PCDHA11: variants seen among roughly 807,000 people sequenced by gnomAD.
PCDHA11 encodes protocadherin alpha-11.
Under a neutral mutation model 70.3 loss-of-function variants are expected in PCDHA11, and 61 were observed. The ratio of observed to expected loss-of-function variants is 0.87; its 90% CI spans 0.71 to 1.07. The LOEUF is 1.07. Ranked by LOEUF, PCDHA11 falls within the 50% of genes least tolerant of loss-of-function variation. PCDHA11 has a pLI of 0.00. For missense variants in PCDHA11, 1,324 were observed against 1,237.5 expected (o/e 1.07, Z -1.05); for synonymous variants, 633 against 555.1 (o/e 1.14, Z -1.97).
intron 1 of PCDHA11, among the ~76,000 whole-genome samples, chr5:140,903,475 A>C (rs1186809574): frequency 6.6e-6 from 1 of 152,220 alleles, no homozygotes; most frequent in African/African-American, 2.4e-5. Flanking sequence ...TATTCCTTGC[A>C]TTATAGTTCT....
intron 3 of PCDHA11, among the ~76,000 whole-genome samples, chr5:140,994,758 G>A (rs150618369): frequency 1.3e-5 from 2 of 152,248 alleles, no homozygotes; most frequent in East Asian, 3.9e-4. Flanking sequence ...GATGTGGAGA[G>A]GAAGAGAATT....
chr5:140,968,802 C>T, intron 1 of PCDHA11: 1 of 1,614,218 alleles, frequency 6.2e-7, no homozygotes. Flanking sequence ...ATTACAGTAG[C>T]TGTGGTGGAT....
At position 141,010,202 on chromosome 5, in the gene PCDHA11, G is replaced by C; in HGVS notation, c.*265G>C. 6.4e-7 allele frequency: 1 copy of C among 1,551,944 alleles called. No homozygotes were observed. The highest frequency in any genetic ancestry group is 8.7e-7 in the Non-Finnish European group (1 of 1,147,050). The stretch of plus-strand genomic sequence containing the variant: ...CAGACCCAAGTTTCCTTTCTCCTCC[G>C]CCGCAAAGGAGAGGCTTCCCAGCCC... On this transcript the variant is annotated 3_prime_UTR_variant, in exon 4 of 4. Coordinates refer to ENST00000398640, the MANE Select transcript of PCDHA11 (RefSeq NM_018902.5).
intron 1 of PCDHA11, among the ~76,000 whole-genome samples, chr5:140,908,097 G>A (rs184366035): frequency 2.6e-5 from 4 of 152,212 alleles, no homozygotes; most frequent in African/African-American, 9.6e-5. Flanking sequence ...ACTGATTGAA[G>A]TTCTGTCCAC....
intron 1 of PCDHA11, among the ~76,000 whole-genome samples, chr5:140,950,428 T>G (rs408652): frequency 0.56 from 85,077 of 151,214 alleles, 24,477 homozygotes; most frequent in African/African-American, 0.69. Context: ...TTTCTTCCAC[T>G]TAAAAAAAAT....
At chr5:140,885,274 AT>A (rs2153409165) in intron 1 of PCDHA11, among the ~76,000 whole-genome samples, 1 of 152,248 alleles carries the variant, frequency 6.6e-6, no homozygotes, top group South Asian at 2.1e-4. Context: ...ATACATATAT[AT>A]ATACATATAT....
chr5:141,009,791 CCTA>C lies in PCDHA11; in HGVS notation c.2708_2710del (p.Thr903del), dbSNP rs2098414479. 1.2e-6 allele frequency: 2 copies of C among 1,613,966 alleles called. No homozygotes were observed. Among genetic ancestry groups the C allele is most frequent in the African/African-American group, 2.7e-5 (2 of 74,882 alleles). On this transcript the variant is annotated inframe_deletion, in exon 4 of 4. Coordinates refer to ENST00000398640, the MANE Select transcript of PCDHA11 (RefSeq NM_018902.5). ...TGCAATCATCTCCATCCGGCAGGAGCCTACTAACAGCCAAATTGACAAAAGTGA... is the reference window on the plus strand; with the variant it reads ...TGCAATCATCTCCATCCGGCAGGAGCCTAACAGCCAAATTGACAAAAGTGA...
intron 3 of PCDHA11, among the ~76,000 whole-genome samples, chr5:140,991,620 T>C (rs2097462467): frequency 6.6e-6 from 1 of 152,212 alleles, no homozygotes; most frequent in Non-Finnish European, 1.5e-5. Flanking sequence ...TTTAATGCCA[T>C]ATTTGTAATA....
intron 1 of PCDHA11, among the ~76,000 whole-genome samples, chr5:140,938,521 T>C (rs2092100005): frequency 6.6e-6 from 1 of 150,974 alleles, no homozygotes; most frequent in African/African-American, 2.4e-5. Context: ...TTTTCTGTTA[T>C]TGAATGGATA....
At chr5:140,893,488 C>G (rs2064010316) in intron 1 of PCDHA11, among the ~76,000 whole-genome samples, 1 of 151,368 alleles carries the variant, frequency 6.6e-6, no homozygotes, top group Non-Finnish European at 1.5e-5. Flanking sequence ...CCCTGTTCTT[C>G]ACAAAAAAGA....
At chr5:140,895,115 T>C (rs2064854715) in intron 1 of PCDHA11, among the ~76,000 whole-genome samples, 1 of 152,182 alleles carries the variant, frequency 6.6e-6, no homozygotes, top group Non-Finnish European at 1.5e-5. Flanking sequence ...CAAGAAGACA[T>C]TTGTTAGTTG....
At position 140,929,224 on chromosome 5, in the gene PCDHA11, G is replaced by A. The variant is rs138816649; in HGVS notation, c.2392-49725G>A. 8.1e-6 allele frequency: 13 copies of A among 1,613,792 alleles called. No individual in the cohort carries two copies. In the African/African-American group the frequency reaches 1.5e-4, roughly 18 times the overall value. ...GCTGTTGCGTGGGGAGTACAATGCT[G>A]CCGACCTGCGAAATCTTGCCACTGG... On this transcript the variant is annotated intron_variant, in intron 1 of 3. Transcript: ENST00000398640.
At chr5:140,898,445 G>GAA (rs1317860515) in intron 1 of PCDHA11, among the ~76,000 whole-genome samples, 7 of 152,126 alleles carry the variant, frequency 4.6e-5, no homozygotes, top group Admixed American at 3.3e-4. Flanking sequence ...ATTAAATAGG[G>GAA]AATCCTTTCC....
Position 140,968,974 on chromosome 5 carries a change from G to A in PCDHA11, c.2392-9975G>A, listed in dbSNP as rs17119326. 3.9e-3 allele frequency: 6,227 copies of A among 1,614,174 alleles called. 151 individuals carry two copies. The African/African-American group carries it at 0.06, about 16-fold the overall frequency. On this transcript the variant is annotated intron_variant, in intron 1 of 3. Coordinates refer to ENST00000398640, the MANE Select transcript of PCDHA11 (RefSeq NM_018902.5). Reference sequence around the variant, plus strand: ...TCATCAAGTGCTACCGCTACACTGCGTATGGCACTGCATGCTGTGGAGGCT... The same window carrying A: ...TCATCAAGTGCTACCGCTACACTGCATATGGCACTGCATGCTGTGGAGGCT...
Position 140,870,627 on chromosome 5 carries a change from G to C in PCDHA11, c.1524G>C (p.Ser508=). 4 of 1,613,028 alleles carry C rather than the reference G, an allele frequency of 2.5e-6. No homozygotes were observed. The highest frequency in any genetic ancestry group is 3.4e-6 in the Non-Finnish European group (4 of 1,179,800). Residue 508 remains serine (S), a synonymous_variant, in exon 1 of 4, where the codon TCG becomes TCC. Transcript: ENST00000398640. ...LGDRALSSYV[S]VHAESGKVYA... ...ACCGCGCGCTGTCGAGCTACGTGTC[G>C]GTGCACGCGGAGAGCGGCAAGGTGT...
At chr5:140,982,252 C>A in intron 2 of PCDHA11, 2 of 770,940 alleles carry the variant, frequency 2.6e-6, no homozygotes, top group South Asian at 2.6e-5. Flanking sequence ...AAAGATAGAA[C>A]ATGTGTGTTC....
At chr5:140,909,709 A>G (rs2153511702) in intron 1 of PCDHA11, among the ~76,000 whole-genome samples, 1 of 152,294 alleles carries the variant, frequency 6.6e-6, no homozygotes, top group Non-Finnish European at 1.5e-5. Context: ...GCTGCTAAGT[A>G]TACCTATGCC....
intron 1 of PCDHA11, among the ~76,000 whole-genome samples, chr5:140,963,667 T>A (rs1206076549): frequency 6.6e-6 from 1 of 152,238 alleles, no homozygotes; most frequent in Non-Finnish European, 1.5e-5. Flanking sequence ...CTATATGGCA[T>A]AGTTAAATGT....
At chr5:140,875,893 C>T (rs781840611) in intron 1 of PCDHA11, 1 of 1,614,140 alleles carries the variant, frequency 6.2e-7, no homozygotes, top group Non-Finnish European at 8.5e-7. Flanking sequence ...ACAAAAGGTA[C>T]CTGTTTCTGA....
Sources: gnomAD v4.1 joint callset for allele counts (sites outside exome capture counted in the v4.1 genomes callset) on GRCh38, gnomAD v4.1.1 for gene constraint, MANE v1.5 for transcripts, NCBI Gene and HGNC (gene_info 2026-07-23, HGNC 2026-07-21) for gene names.